Variants in ALDH7A1 observed in about 807,000 individuals in gnomAD.
ALDH7A1 encodes alpha-aminoadipic semialdehyde dehydrogenase.
Under a neutral mutation model 79.9 loss-of-function variants are expected in ALDH7A1, and 63 were observed. That is an observed-to-expected ratio of 0.79 (90% CI 0.64 to 0.97). The LOEUF is 0.97. Ranked by LOEUF, ALDH7A1 falls within the 50% of genes least tolerant of loss-of-function variation. The probability of loss-of-function intolerance (pLI) is 0.00; values close to 1 mark genes in which losing one functional copy is unlikely to be tolerated. For synonymous variants in ALDH7A1, 240 were observed against 231.2 expected, an observed-to-expected ratio of 1.04 and a Z score of -0.34; for missense variants, 627 against 665.2, an observed-to-expected ratio of 0.94 and a Z score of 0.63.
intron 7 of ALDH7A1, among the ~76,000 whole-genome samples, chr5:126,573,987 C>G: frequency 7.1e-6 from 1 of 140,132 alleles, no homozygotes; most frequent in East Asian, 2.1e-4. Flanking sequence ...CTGAGATGGC[C>G]CCACTGCAAT....
intron 2 of ALDH7A1, 105 bp from the exon 3 acceptor site, chr5:126,592,834 G>C: frequency 8.7e-7 from 1 of 1,144,952 alleles, no homozygotes. Context: ...AATCTCTAGG[G>C]TTCCCTAACA....
intron 5 of ALDH7A1, among the ~76,000 whole-genome samples, chr5:126,579,463 C>A (rs1305514363): frequency 6.6e-6 from 1 of 152,158 alleles, no homozygotes; most frequent in Non-Finnish European, 1.5e-5. Flanking sequence ...GATATAATTA[C>A]CTGTTTATTT....
intron 16 of ALDH7A1, among the ~76,000 whole-genome samples, chr5:126,547,276 A>G (rs1360856100): frequency 6.6e-6 from 1 of 152,210 alleles, no homozygotes; most frequent in Non-Finnish European, 1.5e-5. Context: ...AAACTCTTTT[A>G]TTGCACTTGA....
At chr5:126,574,384 G>A (rs1364704441) in intron 7 of ALDH7A1, among the ~76,000 whole-genome samples, 1 of 150,188 alleles carries the variant, frequency 6.7e-6, no homozygotes, top group Non-Finnish European at 1.5e-5. Flanking sequence ...TGGCGACAGA[G>A]CAAGACTCCA....
At position 126,554,213 on chromosome 5, in the gene ALDH7A1, C is replaced by T. The variant is rs140989373; in HGVS notation, c.1200+74G>A. 56 of 1,306,794 alleles carry T rather than the reference C, an allele frequency of 4.3e-5. No homozygotes were observed. In the African/African-American group the frequency reaches 4.4e-4, roughly 10 times the overall value. 80.9% of individuals were successfully genotyped at this position (1,306,794 alleles called of 1,614,324 possible). A position where few individuals can be genotyped will look rare whatever the true frequency, so the allele number is the denominator to read the frequency against. The stretch of plus-strand genomic sequence containing the variant: ...CAAATGGGGTGGCTTTTCCAATATG[C>T]CCAGAGCCCTGCTTGTGTCTCAGGG... On this transcript the variant is annotated intron_variant, in intron 13 of 17. Coordinates refer to ENST00000409134, the MANE Select transcript of ALDH7A1 (RefSeq NM_001182.5).
intron 10 of ALDH7A1, 57 bp from the exon 11 acceptor site, chr5:126,559,391 G>C (rs1581368783): frequency 8.6e-7 from 1 of 1,168,120 alleles, no homozygotes; most frequent in East Asian, 2.5e-5. Flanking sequence ...CAAGGTATTT[G>C]TTAGCTGGTA....
intron 9 of ALDH7A1, among the ~76,000 whole-genome samples, chr5:126,565,280 C>T (rs2408633): frequency 0.38 from 56,989 of 151,246 alleles, 11,514 homozygotes; most frequent in Non-Finnish European, 0.46. Context: ...GTAATCCCAG[C>T]TACTTGGGAG....
rs1201356013 is a variant in ALDH7A1 at position 126,543,510 on chromosome 5, T to C, written c.*1455A>G. 1.3e-5 allele frequency: 2 copies of C among 152,218 alleles called. No homozygotes were observed. The highest frequency in any genetic ancestry group is 1.3e-4 in the Admixed American group (2 of 15,278). 9.4% of individuals were successfully genotyped at this position (152,218 alleles called of 1,614,324 possible). A position where few individuals can be genotyped will look rare whatever the true frequency, so the allele number is the denominator to read the frequency against. The stretch of plus-strand genomic sequence containing the variant: ...TGCTCGCAGCTGGCCATGGGACATA[T>C]TATGAATACCTTTGCTTCCCAGATA... On this transcript the variant is annotated 3_prime_UTR_variant, in exon 18 of 18. Coordinates refer to ENST00000409134, the MANE Select transcript of ALDH7A1 (RefSeq NM_001182.5).
In ALDH7A1 at chr5:126,544,834, G is replaced by A. The variant is rs1022196214; in HGVS notation, c.*131C>T. The A allele has an allele frequency of 6.7e-6, 5 of 751,792 alleles. No homozygotes were observed. The African/African-American group carries it at 6.9e-5, about 10-fold the overall frequency. 46.6% of individuals were successfully genotyped at this position (751,792 alleles called of 1,614,324 possible). A position where few individuals can be genotyped will look rare whatever the true frequency, so the allele number is the denominator to read the frequency against. ...CTCTTGATTTAATCAGGGCTTTGGG[G>A]TCATAGGGGGATTAGTCACTGTCAC... On this transcript the variant is annotated 3_prime_UTR_variant, in exon 18 of 18. Transcript: ENST00000409134.
Position 126,595,175 on chromosome 5 carries a change from C to T in ALDH7A1, c.24G>A (p.Leu8=). MWRLPRA[L]CVHAAKTSKL... ...TGCTGGTCTTTGCAGCGTGCACACA[C>T]AGCGCGCGAGGAAGGCGCCACATAC... The change falls in exon 1 of 18, where the codon CTG becomes CTA. Residue 8 remains leucine (L), a synonymous_variant. Coordinates refer to ENST00000409134, the MANE Select transcript of ALDH7A1 (RefSeq NM_001182.5). The T allele has an allele frequency of 1.3e-6, 2 of 1,553,272 alleles. No homozygotes were observed. Among genetic ancestry groups the T allele is most frequent in the Non-Finnish European group, 1.7e-6 (2 of 1,147,726 alleles).
At chr5:126,574,039 A>AAAG in intron 7 of ALDH7A1, among the ~76,000 whole-genome samples, 1 of 151,306 alleles carries the variant, frequency 6.6e-6, no homozygotes, top group East Asian at 1.9e-4. Context: ...AAAAAAAAAA[A>AAAG]AAAAAAAGAA....
intron 5 of ALDH7A1, chr5:126,582,205 G>C (rs944072923): frequency 5.0e-6 from 2 of 398,046 alleles, no homozygotes; most frequent in African/African-American, 2.1e-5. Flanking sequence ...ACTTCCATGG[G>C]GTACTATGGC....
At chr5:126,583,003 T>A (rs1388873271) in intron 4 of ALDH7A1, 29 bp from the exon 5 acceptor site, 6 of 1,613,596 alleles carry the variant, frequency 3.7e-6, no homozygotes, top group Middle Eastern at 1.6e-4. Flanking sequence ...AAGCAGAATT[T>A]TTCCAACAGA....
chr5:126,568,091 C>T (rs913886650), intron 9 of ALDH7A1, 168 bp downstream of exon 9: 4 of 655,686 alleles, frequency 6.1e-6, no homozygotes, highest in African/African-American at 3.6e-5. Context: ...TAGGACTTCC[C>T]TAATATTCTA....
chr5:126,565,213 T>A (rs1290746288), intron 9 of ALDH7A1, among the ~76,000 whole-genome samples: 1 of 151,912 alleles, frequency 6.6e-6, no homozygotes, highest in African/African-American at 2.4e-5. Context: ...GCCAAGATGG[T>A]GAAACCCTGT....
In ALDH7A1 at chr5:126,594,234, C is replaced by T. The variant is rs1307541647; in HGVS notation, c.192+773G>A. ...AAGGAGTTCACAGCCCAACGTACAA[C>T]ATGGCAAGATTTCGGCACGTCCAAG... On this transcript the variant is annotated intron_variant, in intron 1 of 17. Transcript: ENST00000409134. The T allele has an allele frequency of 1.5e-5, 7 of 470,968 alleles. No homozygotes were observed. The Admixed American group carries it at 1.6e-4, about 11-fold the overall frequency. 29.2% of individuals were successfully genotyped at this position (470,968 alleles called of 1,614,324 possible). A position where few individuals can be genotyped will look rare whatever the true frequency, so the allele number is the denominator to read the frequency against.
intron 6 of ALDH7A1, 112 bp downstream of exon 6, chr5:126,576,967 G>C: frequency 1.5e-6 from 2 of 1,344,810 alleles, no homozygotes; most frequent in South Asian, 2.4e-5. Flanking sequence ...GAAGAAGCCA[G>C]GTGTGGTGAT....
At chr5:126,564,736 T>A (rs1750511816) in intron 9 of ALDH7A1, 1 of 429,256 alleles carries the variant, frequency 2.3e-6, no homozygotes, top group African/African-American at 2.0e-5. Context: ...AGCGCTATGC[T>A]AGGTGTTAAG....
At position 126,546,376 on chromosome 5, in the gene ALDH7A1, C is replaced by G. The variant is rs556400964; in HGVS notation, c.1513G>C (p.Gly505Arg). ...AFGGEKHTGG[G>R]RESGSDAWKQ... ...CAGGCATCACTGCCAGACTCCCTGCCACCACCAGTGTGCTTTTCTCCTCCT... is the reference window on the plus strand; with the variant it reads ...CAGGCATCACTGCCAGACTCCCTGCGACCACCAGTGTGCTTTTCTCCTCCT... Residue 505 changes from glycine (G) to arginine (R), a missense_variant, in exon 17 of 18, where the codon GGC becomes CGC. Transcript: ENST00000409134. 210 of 1,614,052 alleles carry G rather than the reference C, an allele frequency of 1.3e-4. No homozygotes were observed. Among genetic ancestry groups the G allele is most frequent in the Admixed American group, 3.5e-4 (21 of 60,008 alleles).
Sources: allele counts gnomAD v4.1 joint callset (sites outside exome capture counted in the v4.1 genomes callset), GRCh38; gene constraint gnomAD v4.1.1; transcripts MANE v1.5; gene names NCBI Gene and HGNC (gene_info 2026-07-23, HGNC 2026-07-21).